The following ARHGEF38 variants were observed in gnomAD, a reference collection of about 807,000 sequenced individuals.
The protein encoded by ARHGEF38 is Rho guanine nucleotide exchange factor (GEF) 38.
Under a neutral mutation model 79.9 loss-of-function variants are expected in ARHGEF38, and 79 were observed. That is an observed-to-expected ratio of 0.99 (90% CI 0.82 to 1.19). The LOEUF (loss-of-function observed/expected upper bound fraction) is 1.19. ARHGEF38 is among the 50% of genes most tolerant of loss of function. The pLI is 0.00. For synonymous variants in ARHGEF38, 366 were observed against 328.3 expected, an observed-to-expected ratio of 1.11 and a Z score of -1.24; for missense variants, 962 against 907.2, an observed-to-expected ratio of 1.06 and a Z score of -0.78.
intron 2 of ARHGEF38, among the ~76,000 whole-genome samples, chr4:105,597,525 T>C (rs1174115091): frequency 6.6e-6 from 1 of 152,204 alleles, no homozygotes; most frequent in Non-Finnish European, 1.5e-5. Context: ...AATTTTCTGA[T>C]TGTAGTCTGG....
intron 1 of ARHGEF38, among the ~76,000 whole-genome samples, chr4:105,566,590 T>C (rs1725900136): frequency 3.3e-5 from 5 of 152,280 alleles, no homozygotes; most frequent in Admixed American, 3.3e-4. Context: ...CTTAGATATT[T>C]TGAAATGTAC....
chr4:105,648,130 C>T lies in ARHGEF38; in HGVS notation c.875-419C>T, dbSNP rs529844827. Among the ~76,000 whole-genome samples, 4 of 151,974 alleles carry T rather than the reference C, an allele frequency of 2.6e-5. No individual in the cohort carries two copies. The East Asian group carries it at 5.8e-4, about 22-fold the overall frequency. ...ATCTCAAACTCGTGACCTCATGATC[C>T]GCCCACCTCGGCCTCCGAAAGTGCT... On this transcript the variant is annotated intron_variant, in intron 6 of 13. Coordinates refer to ENST00000420470, the MANE Select transcript of ARHGEF38 (RefSeq NM_001242729.2).
chr4:105,634,836 A>G (rs1729334938), intron 4 of ARHGEF38, among the ~76,000 whole-genome samples: 1 of 152,108 alleles, frequency 6.6e-6, no homozygotes, highest in Non-Finnish European at 1.5e-5. Context: ...AAAACTTCTA[A>G]CTTCTAGTCA....
intron 1 of ARHGEF38, among the ~76,000 whole-genome samples, chr4:105,575,863 A>T (rs1726472255): frequency 6.6e-6 from 1 of 152,130 alleles, no homozygotes; most frequent in Non-Finnish European, 1.5e-5. Context: ...ATTCTTCTAC[A>T]TGTGGATATC....
chr4:105,561,617 C>T lies in ARHGEF38; in HGVS notation c.196+8656C>T, dbSNP rs141322958. 3.6e-3 allele frequency: 539 copies of T among 151,164 alleles called. 9 individuals carry two copies. Among genetic ancestry groups the T allele is most frequent in the African/African-American group, 0.012 (484 of 40,762 alleles). The allele number at this position is 151,164 out of a possible 1,614,324, so 9.4% of individuals were successfully genotyped here. A position where few individuals can be genotyped will look rare whatever the true frequency, so the allele number is the denominator to read the frequency against. ...CTCTGTTCGTCTTTTTTGGGAGTCC[C>T]TCCCTGACCATCCGACCTAAAGTGA... On this transcript the variant is annotated intron_variant, in intron 1 of 13. Coordinates refer to ENST00000420470, the MANE Select transcript of ARHGEF38 (RefSeq NM_001242729.2).
chr4:105,648,407 G>A, intron 6 of ARHGEF38, 142 bp from the exon 7 acceptor site: 1 of 639,402 alleles, frequency 1.6e-6, no homozygotes. Flanking sequence ...TGGGGCTGGA[G>A]CATATGGCCT....
In ARHGEF38 at chr4:105,556,531, G is replaced by A. The variant is rs566696242; in HGVS notation, c.196+3570G>A. 3.9e-5 allele frequency among the ~76,000 whole-genome samples: 6 copies of A among 152,248 alleles called. No homozygotes were observed. In the East Asian group the frequency reaches 1.2e-3, roughly 29 times the overall value. ...TAGGGATGAGGGAAGGTACAGGTAA[G>A]AGAATGGCATTTTAACCTCTTCACT... On this transcript the variant is annotated intron_variant, in intron 1 of 13. Transcript: ENST00000420470.
chr4:105,671,551 A>C (rs928304518), intron 13 of ARHGEF38, among the ~76,000 whole-genome samples: 3 of 152,216 alleles, frequency 2.0e-5, no homozygotes, highest in South Asian at 4.1e-4. Context: ...CCCAGGGCCG[A>C]TGTTTCTATT....
chr4:105,616,797 G>A (rs1353317206), intron 3 of ARHGEF38, among the ~76,000 whole-genome samples: 5 of 152,120 alleles, frequency 3.3e-5, no homozygotes, highest in Non-Finnish European at 7.3e-5. Context: ...TGAAGCAGCG[G>A]CAACATCTAT....
intron 13 of ARHGEF38, among the ~76,000 whole-genome samples, chr4:105,668,693 GATA>G (rs1730853521): frequency 6.6e-6 from 1 of 151,464 alleles, no homozygotes; most frequent in African/African-American, 2.4e-5. Context: ...TAGATAGATA[GATA>G]GATAGATAGA....
At chr4:105,671,309 G>T (rs930825363) in intron 13 of ARHGEF38, among the ~76,000 whole-genome samples, 1 of 152,166 alleles carries the variant, frequency 6.6e-6, no homozygotes, top group Non-Finnish European at 1.5e-5. Flanking sequence ...TGAACCCTGT[G>T]CAGGGAAAAA....
intron 1 of ARHGEF38, 23 bp from the exon 2 acceptor site, chr4:105,589,225 C>T (rs773960208): frequency 3.1e-5 from 50 of 1,593,422 alleles, no homozygotes; most frequent in Non-Finnish European, 4.2e-5. Context: ...AATGCCTCAC[C>T]TGTATATGTT....
chr4:105,610,709 G>A (rs1182299103), intron 2 of ARHGEF38, among the ~76,000 whole-genome samples: 2 of 151,992 alleles, frequency 1.3e-5, no homozygotes, highest in African/African-American at 2.4e-5. Context: ...CAGGCCAATT[G>A]ATGTTTTAAT....
intron 3 of ARHGEF38, among the ~76,000 whole-genome samples, chr4:105,626,638 T>C (rs548890601): frequency 2.4e-4 from 37 of 152,198 alleles, no homozygotes; most frequent in Middle Eastern, 3.4e-3. Flanking sequence ...TAGAAGACTT[T>C]CAGTTTGTTT....
At chr4:105,574,830 A>G (rs1726411370) in intron 1 of ARHGEF38, among the ~76,000 whole-genome samples, 1 of 152,134 alleles carries the variant, frequency 6.6e-6, no homozygotes, top group Non-Finnish European at 1.5e-5. Context: ...CACCTGAATA[A>G]CGTATGTTGT....
At chr4:105,633,730 A>G (rs1372524320) in intron 4 of ARHGEF38, among the ~76,000 whole-genome samples, 5 of 152,212 alleles carry the variant, frequency 3.3e-5, no homozygotes, top group Non-Finnish European at 7.3e-5. Flanking sequence ...AGTGCTAAAT[A>G]ATGTTGAAAA....
intron 1 of ARHGEF38, among the ~76,000 whole-genome samples, chr4:105,588,497 C>T (rs747373739): frequency 1.3e-5 from 2 of 152,156 alleles, no homozygotes; most frequent in African/African-American, 2.4e-5. Flanking sequence ...CTGGGGAGCT[C>T]GTCCTTGAAG....
At chr4:105,588,238 C>T (rs1404852406) in intron 1 of ARHGEF38, among the ~76,000 whole-genome samples, 3 of 152,228 alleles carry the variant, frequency 2.0e-5, no homozygotes, top group Non-Finnish European at 4.4e-5. Flanking sequence ...TAAAGTCCCA[C>T]ATTCTCAGGG....
intron 5 of ARHGEF38, among the ~76,000 whole-genome samples, chr4:105,640,402 T>C (rs1729571411): frequency 6.6e-6 from 1 of 152,138 alleles, no homozygotes; most frequent in Non-Finnish European, 1.5e-5. Context: ...TTCTTTGTAT[T>C]AACAATTAAT....
Sources: gnomAD v4.1 joint callset for allele counts (sites outside exome capture counted in the v4.1 genomes callset) on GRCh38, gnomAD v4.1.1 for gene constraint, MANE v1.5 for transcripts, NCBI Gene and HGNC (gene_info 2026-07-23, HGNC 2026-07-21) for gene names.